Variants in CDKL2 observed in about 807,000 individuals in gnomAD.
CDKL2 encodes cyclin-dependent kinase-like 2.
CDKL2 carries 64 observed loss-of-function variants against 63.9 expected under a neutral mutation model. The observed-to-expected ratio is 1.00, with a 90% CI of 0.82 to 1.23. The LOEUF (loss-of-function observed/expected upper bound fraction) is 1.23, where lower values mean the gene tolerates loss of function less well. Among genes scored for constraint, CDKL2 ranks in the 50% most tolerant of loss-of-function variants. The probability of loss-of-function intolerance (pLI) is 0.00; values close to 1 mark genes in which losing one functional copy is unlikely to be tolerated. For synonymous variants in CDKL2, 211 were observed against 229.2 expected (o/e 0.92, Z 0.72); for missense variants, 656 against 668.0 (o/e 0.98, Z 0.20).
chr4:75,577,741 G>A lies in CDKL2; in HGVS notation c.*1461C>T, dbSNP rs1049971941. 4.6e-5 allele frequency among the ~76,000 whole-genome samples: 7 copies of A among 152,104 alleles called. No individual in the cohort carries two copies. Among genetic ancestry groups the A allele is most frequent in the African/African-American group, 1.7e-4 (7 of 41,428 alleles). On this transcript the variant is annotated 3_prime_UTR_variant, in exon 14 of 14. Coordinates refer to ENST00000307465, the MANE Select transcript of CDKL2 (RefSeq NM_001330724.2). The stretch of plus-strand genomic sequence containing the variant: ...TTATCCATACTAATGTTGTCAAACA[G>A]CTGGTCACAGATTAAAAGTAGAGCT...
intron 12 of CDKL2, among the ~76,000 whole-genome samples, chr4:75,585,595 A>C (rs1728442837): frequency 6.6e-6 from 1 of 151,946 alleles, no homozygotes; most frequent in African/African-American, 2.4e-5. Flanking sequence ...CCCATTTCTA[A>C]AAAAATAATA....
chr4:75,612,408 A>ATTTT (rs1729743120), intron 3 of CDKL2, among the ~76,000 whole-genome samples: 2 of 152,210 alleles, frequency 1.3e-5, no homozygotes, highest in Non-Finnish European at 2.9e-5. Context: ...AAAGTATAAA[A>ATTTT]ATAAAGGGAC....
intron 12 of CDKL2, among the ~76,000 whole-genome samples, chr4:75,589,718 T>G (rs907924113): frequency 2.0e-5 from 3 of 152,162 alleles, no homozygotes; most frequent in African/African-American, 7.2e-5. Context: ...TTACAAATGT[T>G]TATATAACAC....
chr4:75,625,825 A>G lies in CDKL2; in HGVS notation c.164T>C (p.Leu55Pro). The change falls in exon 2 of 14, where the codon CTA becomes CCA. Residue 55 changes from leucine (L) to proline (P), a missense_variant. Coordinates refer to ENST00000307465, the MANE Select transcript of CDKL2 (RefSeq NM_001330724.2). The part of the protein sequence containing the change: ...KKIAMREIKL[L>P]KQLRHENLVN... ...TCAATATATGCATTTACTCACCTTT[A>G]GTAACTTGATTTCTCGCATTGCAAT... 1.2e-6 allele frequency: 2 copies of G among 1,609,790 alleles called. No individual in the cohort carries two copies. The highest frequency in any genetic ancestry group is 1.7e-6 in the Non-Finnish European group (2 of 1,178,474).
chr4:75,623,926 G>A (rs774998334), intron 2 of CDKL2, among the ~76,000 whole-genome samples: 6 of 152,068 alleles, frequency 3.9e-5, no homozygotes, highest in African/African-American at 7.2e-5. Context: ...CTGAGGTCAG[G>A]AGTTTGAGAC....
intron 12 of CDKL2, among the ~76,000 whole-genome samples, chr4:75,588,966 T>C (rs1039151477): frequency 1.3e-5 from 2 of 152,168 alleles, no homozygotes; most frequent in Non-Finnish European, 2.9e-5. Flanking sequence ...CTAGAAAAAC[T>C]GGACTAATTT....
In CDKL2 at chr4:75,627,731, C is replaced by CTTTTTTTTTTTT. The variant is rs57328528; in HGVS notation, c.-29-1726_-29-1715dup. ...AAATATTTTTCTTTACTTTTTTTTT[C>CTTTTTTTTTTTT]TTTTTTTTTTTTTTTTTTTTGAAAC... On this transcript the variant is annotated intron_variant, in intron 1 of 13. Transcript: ENST00000307465. Among the ~76,000 whole-genome samples the CTTTTTTTTTTTT allele has an allele frequency of 1.4e-3, 124 of 85,992 alleles. 1 individual carries two copies. The highest frequency in any genetic ancestry group is 3.6e-3 in the East Asian group (12 of 3,340). 56.4% of individuals were successfully genotyped at this position (85,992 alleles called of 152,430 possible).
chr4:75,583,134 A>G (rs1232852589), intron 12 of CDKL2, among the ~76,000 whole-genome samples: 1 of 152,248 alleles, frequency 6.6e-6, no homozygotes, highest in Non-Finnish European at 1.5e-5. Flanking sequence ...AGAGCTAGGT[A>G]AATATAAAAG....
Position 75,606,982 on chromosome 4 carries a change from C to T in CDKL2, c.542+201G>A, listed in dbSNP as rs1729448068. Among the ~76,000 whole-genome samples the T allele has an allele frequency of 1.3e-5, 2 of 152,144 alleles. 1 individual carries two copies. The highest frequency in any genetic ancestry group is 4.1e-4 in the South Asian group (2 of 4,828). The stretch of plus-strand genomic sequence containing the variant: ...TATAAAATAGACCACTTAATTTCCC[C>T]ACCTCTAAAATAAGTATACTTGTTT... On this transcript the variant is annotated intron_variant, in intron 4 of 13. Transcript: ENST00000307465.
chr4:75,625,681 G>T, intron 2 of CDKL2, 140 bp downstream of exon 2: 1 of 655,242 alleles, frequency 1.5e-6, no homozygotes, highest in Non-Finnish European at 2.5e-6. Flanking sequence ...AAGATATAGA[G>T]AGAAGGAACA....
chr4:75,603,763 T>C, intron 6 of CDKL2, 54 bp downstream of exon 6: 1 of 1,058,372 alleles, frequency 9.4e-7, no homozygotes, highest in Non-Finnish European at 1.3e-6. Context: ...AAAAAAAAGG[T>C]CTTGATAGTG....
At chr4:75,589,465 C>T (rs1048115632) in intron 12 of CDKL2, among the ~76,000 whole-genome samples, 3 of 151,116 alleles carry the variant, frequency 2.0e-5, no homozygotes, top group Admixed American at 6.6e-5. Context: ...CCACTACGCC[C>T]GGCTAATTTT....
chr4:75,589,506 G>A (rs995962512), intron 12 of CDKL2, among the ~76,000 whole-genome samples: 2 of 151,068 alleles, frequency 1.3e-5, no homozygotes, highest in East Asian at 1.9e-4. Flanking sequence ...GGGTTTCACC[G>A]TTTTAGCCGG....
rs768545209 is a variant in CDKL2 at position 75,597,157 on chromosome 4, T to C, written c.1100A>G (p.Glu367Gly). Residue 367 changes from glutamate (E) to glycine (G), a missense_variant, in exon 9 of 14, where the codon GAA becomes GGA. Transcript: ENST00000307465. Reference sequence around the variant, plus strand: ...GGCATTTGAAGCTCTATTGCCTTTTTCAGCTTTTTCTCCATCAATTTTTGA... The same window carrying C: ...GGCATTTGAAGCTCTATTGCCTTTTCCAGCTTTTTCTCCATCAATTTTTGA... ...KGSKIDGEKA[E>G]KGNRASNASC... 54 of 1,613,830 alleles carry C rather than the reference T, an allele frequency of 3.3e-5. No individual in the cohort carries two copies. Among genetic ancestry groups the C allele is most frequent in the Non-Finnish European group, 4.5e-5 (53 of 1,179,820 alleles).
rs549522241 is a variant in CDKL2 at position 75,578,113 on chromosome 4, T to G, written c.*1089A>C. ...AGAACCTGTAGCCAACTTAGTTTAT[T>G]CCTCCCACCTAAAAAGTTTTGGATC... On this transcript the variant is annotated 3_prime_UTR_variant, in exon 14 of 14. Coordinates refer to ENST00000307465, the MANE Select transcript of CDKL2 (RefSeq NM_001330724.2). 1 of 152,268 alleles carries G rather than the reference T, an allele frequency of 6.6e-6. No homozygotes were observed. Among genetic ancestry groups the G allele is most frequent in the South Asian group, 2.1e-4 (1 of 4,826 alleles). The allele number at this position is 152,268 out of a possible 1,614,324, so 9.4% of individuals were successfully genotyped here. A position where few individuals can be genotyped will look rare whatever the true frequency, so the allele number is the denominator to read the frequency against.
intron 12 of CDKL2, among the ~76,000 whole-genome samples, chr4:75,585,480 T>C (rs1292680277): frequency 6.6e-6 from 1 of 152,078 alleles, no homozygotes; most frequent in East Asian, 1.9e-4. Flanking sequence ...GTAGTCTTAG[T>C]TACTCAGGAG....
chr4:75,579,918 T>A (rs1728186838), intron 13 of CDKL2, among the ~76,000 whole-genome samples: 1 of 152,192 alleles, frequency 6.6e-6, no homozygotes, highest in Admixed American at 6.5e-5. Context: ...CACAGTACAT[T>A]CACCTTTGAT....
In CDKL2 at chr4:75,600,376, A is replaced by C; in HGVS notation, c.796-7T>G. 6.4e-7 allele frequency: 1 copy of C among 1,568,414 alleles called. No homozygotes were observed. The highest frequency in any genetic ancestry group is 8.8e-7 in the Non-Finnish European group (1 of 1,140,108). On this transcript the variant is annotated splice_region_variant and splice_polypyrimidine_tract_variant and intron_variant, in intron 6 of 13. Coordinates refer to ENST00000307465, the MANE Select transcript of CDKL2 (RefSeq NM_001330724.2). ...GGTCAATATGTAAGCATTTCTGAAAAATTAAGAACACTTAGAGTTCATATC... is the reference window on the plus strand; with the variant it reads ...GGTCAATATGTAAGCATTTCTGAAACATTAAGAACACTTAGAGTTCATATC...
intron 5 of CDKL2, 152 bp from the exon 6 acceptor site, chr4:75,604,108 T>C: frequency 1.5e-6 from 1 of 675,508 alleles, no homozygotes; most frequent in Non-Finnish European, 2.5e-6. Flanking sequence ...ACAATGCCGT[T>C]ACTGTGGTGG....
Sources: allele counts gnomAD v4.1 joint callset (sites outside exome capture counted in the v4.1 genomes callset), GRCh38; gene constraint gnomAD v4.1.1; transcripts MANE v1.5; gene names NCBI Gene and HGNC (gene_info 2026-07-23, HGNC 2026-07-21).